Variants in NID2 observed in about 807,000 individuals in gnomAD.
NID2 encodes the protein nidogen 2.
A neutral mutation model predicts 145.4 loss-of-function variants in NID2; 83 were observed. The observed-to-expected ratio is 0.57, with a 90% CI of 0.48 to 0.69. The LOEUF is 0.69. NID2 is among the 30% of genes least tolerant of loss of function. The pLI is 0.00. For missense variants in NID2, 1,807 were observed against 1,765.7 expected, an observed-to-expected ratio of 1.02 and a Z score of -0.42; for synonymous variants, 739 against 701.3, an observed-to-expected ratio of 1.05 and a Z score of -0.85.
At chr14:52,012,281 G>C (rs1891059237) in intron 16 of NID2, among the ~76,000 whole-genome samples, 1 of 151,520 alleles carries the variant, frequency 6.6e-6, no homozygotes, top group African/African-American at 2.4e-5. Flanking sequence ...CTGACTCTTA[G>C]GAGGCAAGAT....
chr14:52,038,205 C>T (rs1357221773), intron 9 of NID2, among the ~76,000 whole-genome samples: 2 of 152,166 alleles, frequency 1.3e-5, no homozygotes, highest in Non-Finnish European at 2.9e-5. Context: ...CAGTCTTTCA[C>T]CATTAAGTAT....
At chr14:52,049,805 A>T (rs138801180) in intron 5 of NID2, among the ~76,000 whole-genome samples, 1 of 152,178 alleles carries the variant, frequency 6.6e-6, no homozygotes, top group Non-Finnish European at 1.5e-5. Context: ...GCATGACACT[A>T]ACAGGCTCTC....
At chr14:52,022,136 G>A (rs1447724079) in intron 12 of NID2, among the ~76,000 whole-genome samples, 2 of 151,928 alleles carry the variant, frequency 1.3e-5, no homozygotes, top group African/African-American at 4.8e-5. Flanking sequence ...AAGAGAGAGG[G>A]GATTCCCCAG....
At chr14:52,066,015 T>C (rs563263926) in intron 2 of NID2, among the ~76,000 whole-genome samples, 2 of 151,780 alleles carry the variant, frequency 1.3e-5, no homozygotes, top group African/African-American at 2.4e-5. Context: ...TTTGGGTATA[T>C]ACCCAGTAAT....
intron 1 of NID2, among the ~76,000 whole-genome samples, chr14:52,068,538 G>C (rs1173231766): frequency 6.6e-6 from 1 of 152,192 alleles, no homozygotes; most frequent in African/African-American, 2.4e-5. Flanking sequence ...TTTCTGCCTG[G>C]GACGCGTACG....
chr14:52,046,277 C>T (rs997237677), intron 5 of NID2, among the ~76,000 whole-genome samples: 1 of 145,486 alleles, frequency 6.9e-6, no homozygotes, highest in African/African-American at 2.6e-5. Context: ...GAGCCGAGAT[C>T]GCACCACTGC....
At chr14:52,062,003 C>T (rs1022307080) in intron 2 of NID2, among the ~76,000 whole-genome samples, 4 of 152,168 alleles carry the variant, frequency 2.6e-5, no homozygotes, top group African/African-American at 9.7e-5. Flanking sequence ...GACAGACAAA[C>T]TCGGGCACAG....
chr14:52,016,062 A>G (rs992491329), intron 14 of NID2, among the ~76,000 whole-genome samples: 2 of 151,856 alleles, frequency 1.3e-5, no homozygotes, highest in Non-Finnish European at 2.9e-5. Flanking sequence ...TTTCTCCAGC[A>G]TCCTCTCCTC....
intron 18 of NID2, chr14:52,009,962 C>T (rs1315560580): frequency 1.3e-5 from 2 of 151,264 alleles, no homozygotes; most frequent in African/African-American, 2.4e-5. Context: ...ACCCCAGCCT[C>T]GGCAACAAAG....
At chr14:52,062,563 C>T (rs1566776635) in intron 2 of NID2, among the ~76,000 whole-genome samples, 1 of 152,064 alleles carries the variant, frequency 6.6e-6, no homozygotes, top group African/African-American at 2.4e-5. Context: ...AAGAAAAGTA[C>T]TAGAGGAAGG....
Position 52,060,364 on chromosome 14 carries a change from GA to G in NID2, c.535-9del, listed in dbSNP as rs71121681. Reference sequence around the variant, plus strand: ...TGCCTGGAAAGTGTTCAGCTGTGAGGAAAAAAAAAAAAAAAGAGAGAGAGAG... The same window carrying G: ...TGCCTGGAAAGTGTTCAGCTGTGAGGAAAAAAAAAAAAAAGAGAGAGAGAG... On this transcript the variant is annotated splice_polypyrimidine_tract_variant and intron_variant, in intron 2 of 21. Coordinates refer to ENST00000216286, the MANE Select transcript of NID2 (RefSeq NM_007361.4). 69,014 of 701,068 alleles carry G rather than the reference GA, an allele frequency of 0.098. No homozygotes were observed. Among genetic ancestry groups the G allele is most frequent in the Non-Finnish European group, 0.11 (57,871 of 515,826 alleles). 43.4% of individuals were successfully genotyped at this position (701,068 alleles called of 1,614,324 possible).
chr14:52,028,341 G>T lies in NID2; in HGVS notation c.2530+381C>A, dbSNP rs143424980. Reference sequence around the variant, plus strand: ...CTAGGCTGGAATGCACTAGCATGCTGTCAGTTCACTGCAACCTCTGCCTCC... The same window carrying T: ...CTAGGCTGGAATGCACTAGCATGCTTTCAGTTCACTGCAACCTCTGCCTCC... On this transcript the variant is annotated intron_variant, in intron 11 of 21. Coordinates refer to ENST00000216286, the MANE Select transcript of NID2 (RefSeq NM_007361.4). Among the ~76,000 whole-genome samples the T allele has an allele frequency of 2.6e-4, 39 of 151,514 alleles. No homozygotes were observed. In the East Asian group the frequency reaches 7.4e-3, roughly 29 times the overall value.
chr14:52,045,553 GAAAA>G (rs34942105), intron 5 of NID2, among the ~76,000 whole-genome samples: 14 of 33,636 alleles, frequency 4.2e-4, no homozygotes, highest in African/African-American at 1.7e-3. Context: ...ACTCAAGGCA[GAAAA>G]AAAAAAAAAA....
rs574895100 is a variant in NID2, at chr14:52,018,950, A to T, written c.3028+111T>A. 5.2e-5 allele frequency: 37 copies of T among 716,154 alleles called. No homozygotes were observed. The South Asian group carries it at 6.4e-4, about 12-fold the overall frequency. 44.4% of individuals were successfully genotyped at this position (716,154 alleles called of 1,614,324 possible). ...ATTATTCAAGTCTTCTCAGGAGGAA[A>T]GAGGCTATGAAGGATGGTGACTGGC... On this transcript the variant is annotated intron_variant, in intron 14 of 21. Coordinates refer to ENST00000216286, the MANE Select transcript of NID2 (RefSeq NM_007361.4).
chr14:52,059,111 C>T (rs1276985200), intron 3 of NID2, among the ~76,000 whole-genome samples: 1 of 152,168 alleles, frequency 6.6e-6, no homozygotes, highest in Non-Finnish European at 1.5e-5. Context: ...CCCTAAGCTC[C>T]TCTGTAAAAC....
chr14:52,012,660 C>T (rs1168292722), intron 16 of NID2, among the ~76,000 whole-genome samples: 3 of 151,452 alleles, frequency 2.0e-5, no homozygotes, highest in East Asian at 3.8e-4. Flanking sequence ...GTTATCCAAC[C>T]TCTGGCTAGT....
At chr14:52,039,347 G>A (rs1892192651) in intron 8 of NID2, among the ~76,000 whole-genome samples, 1 of 152,204 alleles carries the variant, frequency 6.6e-6, no homozygotes. Flanking sequence ...AAGATGCAAT[G>A]CTGCCACATG....
chr14:52,027,413 C>T, intron 11 of NID2, 69 bp from the exon 12 acceptor site: 2 of 1,356,086 alleles, frequency 1.5e-6, no homozygotes, highest in Admixed American at 3.0e-5. Flanking sequence ...CTCCTCATGG[C>T]ATGATCCACA....
At position 52,007,941 on chromosome 14, in the gene NID2, C is replaced by G. The variant is rs1000581797; in HGVS notation, c.3749G>C (p.Arg1250Thr). Reference protein sequence around the residue: ...RGNLYWTDWNREAPKIETSSL... With the variant: ...RGNLYWTDWNTEAPKIETSSL... ...TGACGTTTCAATTTTAGGAGCTTCT[C>G]TATTCCAGTCTGTCCAGTACAAGTT... Residue 1250 changes from arginine to threonine, a missense_variant, in exon 19 of 22, where the codon AGA (arginine) becomes ACA (threonine). Coordinates refer to ENST00000216286, the MANE Select transcript of NID2 (RefSeq NM_007361.4). 1 of 1,613,288 alleles carries G rather than the reference C, an allele frequency of 6.2e-7. No individual in the cohort carries two copies. Among genetic ancestry groups the G allele is most frequent in the Non-Finnish European group, 8.5e-7 (1 of 1,179,760 alleles).
Sources: gnomAD v4.1 joint callset for allele counts (sites outside exome capture counted in the v4.1 genomes callset) on GRCh38, gnomAD v4.1.1 for gene constraint, MANE v1.5 for transcripts, NCBI Gene and HGNC (gene_info 2026-07-23, HGNC 2026-07-21) for gene names.